The following ORC2 variants were observed in gnomAD, a reference collection of about 807,000 sequenced individuals.
The protein encoded by ORC2 is origin recognition complex subunit 2.
In ORC2, 37 loss-of-function variants were observed where a neutral mutation model predicts 77.7. The ratio of observed to expected loss-of-function variants is 0.48; its 90% CI spans 0.37 to 0.63. The LOEUF is 0.63. Among genes scored for constraint, ORC2 ranks in the 20% least tolerant of loss-of-function variants. The pLI, the probability that ORC2 is intolerant of heterozygous loss-of-function variation, is 0.00. For missense variants in ORC2, 557 were observed against 661.9 expected (o/e 0.84, Z 1.74); for synonymous variants, 201 against 229.5 (o/e 0.88, Z 1.12).
At chr2:200,944,229 A>G (rs2041208839) in intron 5 of ORC2, among the ~76,000 whole-genome samples, 1 of 151,824 alleles carries the variant, frequency 6.6e-6, no homozygotes, top group African/African-American at 2.4e-5. Flanking sequence ...GCTGGAGTGC[A>G]GTGGTGCGAT....
In ORC2 at chr2:200,910,170, C is replaced by G. The variant is rs993761520; in HGVS notation, c.*1131G>C. On this transcript the variant is annotated 3_prime_UTR_variant, in exon 18 of 18. Coordinates refer to ENST00000234296, the MANE Select transcript of ORC2 (RefSeq NM_006190.5). ...CAAGATAAGAAATGAGTGAGAAATG[C>G]TGACGTAGTACGTATTTTATTGCAG... 6.6e-6 allele frequency: 1 copy of G among 152,162 alleles called. No homozygotes were observed. Among genetic ancestry groups the G allele is most frequent in the Admixed American group, 6.5e-5 (1 of 15,268 alleles). 9.4% of individuals were successfully genotyped at this position (152,162 alleles called of 1,614,324 possible).
chr2:200,958,040 A>G lies in ORC2; in HGVS notation c.84T>C (p.Asp28=), dbSNP rs768610837. Residue 28 remains aspartate (D), a synonymous_variant, in exon 3 of 18, where the codon GAT becomes GAC. Coordinates refer to ENST00000234296, the MANE Select transcript of ORC2 (RefSeq NM_006190.5). ...ACAATCACTTAATACCTCCTTCTCT[A>G]TCTAGAATGTGATTAAGAACATCAT... is the stretch of plus-strand genomic sequence containing the variant. ...GDDDVLNHIL[D]REGGAKLKKE... 7.6e-6 allele frequency: 12 copies of G among 1,586,618 alleles called. No individual in the cohort carries two copies. The highest frequency in any genetic ancestry group is 1.3e-5 in the African/African-American group (1 of 74,356).
At chr2:200,952,337 G>T (rs557928058) in intron 4 of ORC2, among the ~76,000 whole-genome samples, 1 of 152,202 alleles carries the variant, frequency 6.6e-6, no homozygotes, top group South Asian at 2.1e-4. Context: ...TAGGCTCACT[G>T]CAAGCTCTGC....
chr2:200,941,379 A>C, intron 6 of ORC2, 100 bp from the exon 7 acceptor site: 1 of 1,067,670 alleles, frequency 9.4e-7, no homozygotes, highest in Non-Finnish European at 1.4e-6. Context: ...ATGGTGGCTC[A>C]CATCTGTAAT....
chr2:200,918,931 C>T (rs995801143), intron 15 of ORC2, among the ~76,000 whole-genome samples: 11 of 151,646 alleles, frequency 7.3e-5, no homozygotes, highest in Admixed American at 2.6e-4. Context: ...AGTGCAGTGG[C>T]GCAATCTCGG....
chr2:200,926,667 A>C, intron 12 of ORC2, 101 bp downstream of exon 12: 1 of 1,161,642 alleles, frequency 8.6e-7, no homozygotes, highest in Non-Finnish European at 1.3e-6. Flanking sequence ...ACTACCGTGA[A>C]GGCTAAAACA....
chr2:200,913,451 T>C, intron 16 of ORC2, 38 bp from the exon 17 acceptor site: 1 of 1,545,654 alleles, frequency 6.5e-7, no homozygotes, highest in Non-Finnish European at 8.8e-7. Context: ...AAGTCAGCAC[T>C]TAAGACATGA....
At chr2:200,920,466 A>G in intron 14 of ORC2, 73 bp from the exon 15 acceptor site, 1 of 1,214,202 alleles carries the variant, frequency 8.2e-7, no homozygotes, top group Admixed American at 2.7e-5. Flanking sequence ...TCCACTTTAC[A>G]AAAGAATGAG....
chr2:200,940,989 G>C (rs2125000412), intron 7 of ORC2, among the ~76,000 whole-genome samples: 1 of 152,222 alleles, frequency 6.6e-6, no homozygotes, highest in African/African-American at 2.4e-5. Flanking sequence ...AGCAGAAAAA[G>C]CACAACAGTT....
intron 13 of ORC2, chr2:200,921,591 T>G (rs950530929): frequency 6.6e-6 from 1 of 152,216 alleles, no homozygotes; most frequent in Non-Finnish European, 1.5e-5. Context: ...ACTCATAAAA[T>G]AGACATGATT....
rs138944678 is a variant in ORC2, at chr2:200,953,748, G to C, written c.238+3653C>G. 3.5e-4 allele frequency among the ~76,000 whole-genome samples: 54 copies of C among 152,298 alleles called. No homozygotes were observed. The East Asian group carries it at 0.01, about 28-fold the overall frequency. ...TACAATGAGAAAAGTTTGGGAGATT[G>C]GTTACAAATGGTGTGAATGTACCTA... On this transcript the variant is annotated intron_variant, in intron 4 of 17. Transcript: ENST00000234296.
intron 13 of ORC2, among the ~76,000 whole-genome samples, chr2:200,922,197 T>C (rs2124948079): frequency 6.6e-6 from 1 of 151,590 alleles, no homozygotes; most frequent in Admixed American, 6.6e-5. Flanking sequence ...GAAGTTCAGA[T>C]AAATTATAAA....
intron 6 of ORC2, 141 bp downstream of exon 6, chr2:200,942,544 A>G (rs2041173037): frequency 8.0e-6 from 4 of 500,302 alleles, no homozygotes; most frequent in Non-Finnish European, 1.4e-5. Context: ...CATGAGTTGA[A>G]ATATTAATTG....
Position 200,920,284 on chromosome 2 carries a change from C to T in ORC2, c.1404G>A (p.Gln468=), listed in dbSNP as rs559567042. The T allele has an allele frequency of 6.2e-7, 1 of 1,613,938 alleles. No individual in the cohort carries two copies. Among genetic ancestry groups the T allele is most frequent in the Admixed American group, 1.7e-5 (1 of 60,020 alleles). The change falls in exon 15 of 18, where the codon CAG becomes CAA. Residue 468 remains glutamine, a synonymous_variant. Transcript: ENST00000234296. ...TSYENSLLVK[Q]SGSLPLSSLT... ...GGGAGCTAAGTGGCAGGGATCCAGA[C>T]TGCTTTACCAGAAGAGAGTTCTCAT...
intron 16 of ORC2, chr2:200,913,636 T>C: frequency 7.6e-7 from 1 of 1,313,236 alleles, no homozygotes; most frequent in Non-Finnish European, 9.7e-7. Context: ...GAAGAAAATC[T>C]CCTAAGATGC....
rs2040519144 is a variant in ORC2, at chr2:200,909,728, C to T, written c.*1573G>A. 6.7e-6 allele frequency: 1 copy of T among 148,618 alleles called. No individual in the cohort carries two copies. Among genetic ancestry groups the T allele is most frequent in the South Asian group, 2.1e-4 (1 of 4,720 alleles). 9.2% of individuals were successfully genotyped at this position (148,618 alleles called of 1,614,324 possible). A position where few individuals can be genotyped will look rare whatever the true frequency, so the allele number is the denominator to read the frequency against. On this transcript the variant is annotated 3_prime_UTR_variant, in exon 18 of 18. Transcript: ENST00000234296. ...AAAAAAAAAAAAAAAAAAGACTAAG[C>T]CCATGGACTTAACATAAAATTACTT... is the stretch of plus-strand genomic sequence containing the variant.
At chr2:200,951,312 G>A (rs1030715276) in intron 4 of ORC2, among the ~76,000 whole-genome samples, 12 of 152,218 alleles carry the variant, frequency 7.9e-5, no homozygotes, top group African/African-American at 2.9e-4. Flanking sequence ...CATTGTGAAT[G>A]AAATTGCTAT....
chr2:200,938,114 T>C (rs916053869), intron 7 of ORC2, 148 bp from the exon 8 acceptor site: 4 of 582,018 alleles, frequency 6.9e-6, no homozygotes, highest in East Asian at 6.1e-5. Context: ...TAGAAGATTA[T>C]GACAAATGGG....
chr2:200,953,426 TA>T (rs200903207), intron 4 of ORC2, among the ~76,000 whole-genome samples: 16,061 of 111,488 alleles, frequency 0.14, 2,417 homozygotes, highest in African/African-American at 0.44. Flanking sequence ...TTTTTTTTTT[TA>T]AAAAAGGAAA....
Sources: gnomAD v4.1 joint callset for allele counts (sites outside exome capture counted in the v4.1 genomes callset) on GRCh38, gnomAD v4.1.1 for gene constraint, MANE v1.5 for transcripts, NCBI Gene and HGNC (gene_info 2026-07-23, HGNC 2026-07-21) for gene names.